Variants in SLC25A36 observed in about 807,000 individuals in gnomAD.
SLC25A36 encodes solute carrier family 25 member 36.
SLC25A36 carries 24 observed loss-of-function variants against 35.3 expected under a neutral mutation model. That is an observed-to-expected ratio of 0.68 (90% CI 0.49 to 0.96). The LOEUF (loss-of-function observed/expected upper bound fraction) is 0.96. Ranked by LOEUF, SLC25A36 falls within the 40% of genes least tolerant of loss-of-function variation. SLC25A36 has a pLI of 0.00. For synonymous variants in SLC25A36, 141 were observed against 132.2 expected, an observed-to-expected ratio of 1.07 and a Z score of -0.46; for missense variants, 294 against 381.1, an observed-to-expected ratio of 0.77 and a Z score of 1.90.
intron 1 of SLC25A36, among the ~76,000 whole-genome samples, chr3:140,955,085 G>A (rs1329647600): frequency 6.6e-6 from 1 of 151,742 alleles, no homozygotes; most frequent in East Asian, 1.9e-4. Context: ...TAATAGTTTT[G>A]TTGCATAAGT....
chr3:140,976,174 C>G, intron 6 of SLC25A36, 86 bp from the exon 7 acceptor site: 1 of 894,588 alleles, frequency 1.1e-6, no homozygotes, highest in Non-Finnish European at 1.7e-6. Flanking sequence ...CTTACACTTA[C>G]AGACTGATAA....
intron 5 of SLC25A36, among the ~76,000 whole-genome samples, chr3:140,971,771 G>A (rs1934910115): frequency 6.6e-6 from 1 of 152,128 alleles, no homozygotes; most frequent in Non-Finnish European, 1.5e-5. Flanking sequence ...TATCTTATAT[G>A]TTACAATAAT....
Position 140,977,500 on chromosome 3 carries a change from G to T in SLC25A36, c.*1047G>T, listed in dbSNP as rs1391893731. 1 of 152,162 alleles carries T rather than the reference G, an allele frequency of 6.6e-6. No individual in the cohort carries two copies. Among genetic ancestry groups the T allele is most frequent in the East Asian group, 1.9e-4 (1 of 5,198 alleles). 9.4% of individuals were successfully genotyped at this position (152,162 alleles called of 1,614,324 possible). A position where few individuals can be genotyped will look rare whatever the true frequency, so the allele number is the denominator to read the frequency against. The stretch of plus-strand genomic sequence containing the variant: ...GCCCCCTTGCTGTCTGCTTTAGCAG[G>T]TAGTGACATTAATTGACTTATAGTT... On this transcript the variant is annotated 3_prime_UTR_variant, in exon 7 of 7. Coordinates refer to ENST00000324194, the MANE Select transcript of SLC25A36 (RefSeq NM_001104647.3).
In SLC25A36 at chr3:140,963,245, TAAAA is replaced by T. The variant is rs74628590; in HGVS notation, c.385+29_385+32del. On this transcript the variant is annotated intron_variant, in intron 4 of 6. Transcript: ENST00000324194. ...AATGGCAGGTATGAATGTATAATAT[TAAAA>T]AAAAAAAAAACTTTCTGAAACCTAG... 1.7e-6 allele frequency: 2 copies of T among 1,176,344 alleles called. No homozygotes were observed. The highest frequency in any genetic ancestry group is 1.7e-5 in the African/African-American group (1 of 60,602). The allele number at this position is 1,176,344 out of a possible 1,614,324, so 72.9% of individuals were successfully genotyped here. A position where few individuals can be genotyped will look rare whatever the true frequency, so the allele number is the denominator to read the frequency against.
intron 6 of SLC25A36, among the ~76,000 whole-genome samples, chr3:140,975,023 T>G (rs181080046): frequency 6.8e-6 from 1 of 148,132 alleles, no homozygotes; most frequent in Non-Finnish European, 1.5e-5. Flanking sequence ...AGTTTTGGGG[T>G]TTAAACAGTC....
Position 140,959,528 on chromosome 3 carries a change from T to C in SLC25A36, c.272T>C (p.Val91Ala). ...FRGLGPNLVG[V>A]APSRAIYFAA... ...GGACTAGGCCCCAATTTAGTGGGGGTAGCCCCTTCCAGGTAAAAAAAAAAA... is the reference window on the plus strand; with the variant it reads ...GGACTAGGCCCCAATTTAGTGGGGGCAGCCCCTTCCAGGTAAAAAAAAAAA... Residue 91 changes from valine (V) to alanine (A), a missense_variant, in exon 3 of 7, where the codon GTA (valine) becomes GCA (alanine). Val to Ala is a moderately conservative substitution (Grantham distance 64). Transcript: ENST00000324194. 1.4e-6 allele frequency: 2 copies of C among 1,471,392 alleles called. No individual in the cohort carries two copies. 91.1% of individuals were successfully genotyped at this position (1,471,392 alleles called of 1,614,324 possible). A position where few individuals can be genotyped will look rare whatever the true frequency, so the allele number is the denominator to read the frequency against.
At chr3:140,953,397 G>T (rs1251977099) in intron 1 of SLC25A36, among the ~76,000 whole-genome samples, 21 of 120,644 alleles carry the variant, frequency 1.7e-4, no homozygotes, top group Non-Finnish European at 1.9e-4. Context: ...GACATTTTTT[G>T]GGGGGGGGGT....
chr3:140,959,311 G>C lies in SLC25A36; in HGVS notation c.207-152G>C, dbSNP rs558391490. On this transcript the variant is annotated intron_variant, in intron 2 of 6. Transcript: ENST00000324194. ...ATTACAGGCATGAGCCACCATGCCT[G>C]GCCACAAATTTTTAATAAGTAAGGA... 32 of 508,964 alleles carry C rather than the reference G, an allele frequency of 6.3e-5. No individual in the cohort carries two copies. In the East Asian group the frequency reaches 7.4e-4, roughly 12 times the overall value. The allele number at this position is 508,964 out of a possible 1,614,324, so 31.5% of individuals were successfully genotyped here.
chr3:140,952,021 T>C (rs550136052), intron 1 of SLC25A36, among the ~76,000 whole-genome samples: 31 of 124,978 alleles, frequency 2.5e-4, no homozygotes, highest in East Asian at 5.7e-4. Flanking sequence ...CTTTCTCTCT[T>C]TTTTTTTTTT....
intron 5 of SLC25A36, chr3:140,973,185 A>G (rs1042476432): frequency 3.9e-5 from 6 of 152,196 alleles, no homozygotes; most frequent in African/African-American, 9.7e-5. Context: ...CATTCACCCT[A>G]TCACTTCTTG....
At chr3:140,971,317 T>C (rs745853212) in intron 5 of SLC25A36, among the ~76,000 whole-genome samples, 19 of 152,142 alleles carry the variant, frequency 1.2e-4, no homozygotes, top group Non-Finnish European at 2.2e-4. Context: ...TGGGTACTTA[T>C]AATTGGCCTC....
chr3:140,977,116 G>T lies in SLC25A36; in HGVS notation c.*663G>T, dbSNP rs1039483219. The stretch of plus-strand genomic sequence containing the variant: ...CCAAACACACATGGTAATAGTTTGG[G>T]ACAAAATAACTAGTAAAATGTTGAT... On this transcript the variant is annotated 3_prime_UTR_variant, in exon 7 of 7. Transcript: ENST00000324194. 2 of 152,082 alleles carry T rather than the reference G, an allele frequency of 1.3e-5. No homozygotes were observed. The highest frequency in any genetic ancestry group is 4.8e-5 in the African/African-American group (2 of 41,402). The allele number at this position is 152,082 out of a possible 1,614,324, so 9.4% of individuals were successfully genotyped here.
chr3:140,962,095 A>G (rs1447598863), intron 3 of SLC25A36, among the ~76,000 whole-genome samples: 1 of 151,920 alleles, frequency 6.6e-6, no homozygotes, highest in Non-Finnish European at 1.5e-5. Flanking sequence ...CCATTTTCTC[A>G]TTAGGATTTC....
chr3:140,955,162 A>G (rs1469171682), intron 1 of SLC25A36, among the ~76,000 whole-genome samples: 4 of 152,146 alleles, frequency 2.6e-5, no homozygotes, highest in Non-Finnish European at 5.9e-5. Context: ...TAATACACCA[A>G]TATGACATAT....
intron 1 of SLC25A36, among the ~76,000 whole-genome samples, chr3:140,951,460 A>G (rs1487477794): frequency 6.6e-6 from 1 of 151,976 alleles, no homozygotes; most frequent in Non-Finnish European, 1.5e-5. Flanking sequence ...CACTTATGCC[A>G]CCCCCACCTC....
In SLC25A36 at chr3:140,979,416, T is replaced by C. The variant is rs1215209613; in HGVS notation, c.*2963T>C. The C allele has an allele frequency of 6.6e-6, 1 of 152,180 alleles. No homozygotes were observed. Among genetic ancestry groups the C allele is most frequent in the East Asian group, 1.9e-4 (1 of 5,202 alleles). The allele number at this position is 152,180 out of a possible 1,614,324, so 9.4% of individuals were successfully genotyped here. A position where few individuals can be genotyped will look rare whatever the true frequency, so the allele number is the denominator to read the frequency against. On this transcript the variant is annotated 3_prime_UTR_variant, in exon 7 of 7. Transcript: ENST00000324194. ...AATTGTCCATGCCTGCCTTTTGTTG[T>C]TTACATGCTCTTCTGCCCAGACTGT...
At chr3:140,970,906 A>AT in intron 4 of SLC25A36, 21 bp from the exon 5 acceptor site, 2 of 1,239,552 alleles carry the variant, frequency 1.6e-6, no homozygotes, top group Non-Finnish European at 2.4e-6. Flanking sequence ...ACCAGAGTTC[A>AT]TTTTAAACAT....
chr3:140,968,485 A>G, intron 4 of SLC25A36: 1 of 983,502 alleles, frequency 1.0e-6, no homozygotes, highest in Non-Finnish European at 1.2e-6. Context: ...GTCCTGTTAC[A>G]TAGGTTAATT....
chr3:140,978,087 C>T lies in SLC25A36; in HGVS notation c.*1634C>T, dbSNP rs12489397. On this transcript the variant is annotated 3_prime_UTR_variant, in exon 7 of 7. Transcript: ENST00000324194. Reference sequence around the variant, plus strand: ...CCCCCAACATTATAGAATATTGCAGCGTGTCATTGCAAGCTTTCTCTGCTG... The same window carrying T: ...CCCCCAACATTATAGAATATTGCAGTGTGTCATTGCAAGCTTTCTCTGCTG... The T allele has an allele frequency of 0.73, 111,456 of 151,914 alleles. 44,423 individuals carry two copies. Among genetic ancestry groups the T allele is most frequent in the South Asian group, 0.94 (4,524 of 4,806 alleles). The allele number at this position is 151,914 out of a possible 1,614,324, so 9.4% of individuals were successfully genotyped here.
Sources: gnomAD v4.1 joint callset for allele counts (sites outside exome capture counted in the v4.1 genomes callset) on GRCh38, gnomAD v4.1.1 for gene constraint, MANE v1.5 for transcripts, NCBI Gene and HGNC (gene_info 2026-07-23, HGNC 2026-07-21) for gene names.